The following PAH variants were observed in gnomAD, a reference collection of about 807,000 sequenced individuals.
PAH encodes phenylalanine-4-hydroxylase.
Under a neutral mutation model 62.0 loss-of-function variants are expected in PAH, and 64 were observed. That is an observed-to-expected ratio of 1.03 (90% CI 0.84 to 1.27). PAH has a LOEUF of 1.27. Among genes scored for constraint, PAH ranks in the 50% most tolerant of loss-of-function variants. PAH has a pLI of 0.00. For missense variants in PAH, 579 were observed against 542.8 expected (o/e 1.07, Z -0.66); for synonymous variants, 195 against 196.2 (o/e 0.99, Z 0.05).
intron 1 of PAH, among the ~76,000 whole-genome samples, chr12:102,928,544 A>G (rs958786954): frequency 2.6e-5 from 4 of 152,120 alleles, no homozygotes; most frequent in East Asian, 3.9e-4. Context: ...ACCCCTATCC[A>G]CTTAGAGACC....
intron 1 of PAH, among the ~76,000 whole-genome samples, chr12:102,916,098 A>G (rs1048841255): frequency 6.6e-6 from 1 of 152,118 alleles, no homozygotes; most frequent in African/African-American, 2.4e-5. Flanking sequence ...GTTCCTCTGT[A>G]CAATAAGTTC....
chr12:102,957,145 G>A lies in PAH; in HGVS notation c.-96+1050C>T, dbSNP rs1879940866. On this transcript the variant is annotated intron_variant, in intron 1 of 4. Transcript: ENST00000551337. This position sits in a 1 kb window ranked among gnomAD's most constrained non-coding sequence, Gnocchi z 4.1. ...AACCCGAAGAGAATAACAGTGAGGA[G>A]AGAGAGAAAACAGGAAAAGTCGAGC... is the stretch of plus-strand genomic sequence containing the variant. Among the ~76,000 whole-genome samples the A allele has an allele frequency of 6.6e-6, 1 of 152,146 alleles. No homozygotes were observed. The highest frequency in any genetic ancestry group is 6.5e-5 in the Admixed American group (1 of 15,280).
chr12:102,958,155 C>A (rs903347197), intron 1 of PAH: 2 of 989,884 alleles, frequency 2.0e-6, no homozygotes, highest in Non-Finnish European at 2.7e-6. Context: ...TCTGTTCCTG[C>A]ACCCAAGTTC....
chr12:102,864,124 C>T (rs200444715), intron 5 of PAH, among the ~76,000 whole-genome samples: 7 of 152,182 alleles, frequency 4.6e-5, no homozygotes, highest in East Asian at 3.9e-4. Flanking sequence ...AACACAACTC[C>T]GTTAGATGAT....
intron 2 of PAH, among the ~76,000 whole-genome samples, chr12:102,907,596 CTTCTT>C (rs898600632): frequency 4.6e-5 from 7 of 151,832 alleles, no homozygotes; most frequent in African/African-American, 1.7e-4. Flanking sequence ...CATCTTTTTC[CTTCTT>C]TTCTTTTCTT....
At chr12:102,911,827 T>C (rs1878211638) in intron 2 of PAH, among the ~76,000 whole-genome samples, 1 of 152,192 alleles carries the variant, frequency 6.6e-6, no homozygotes, top group African/African-American at 2.4e-5. Context: ...GCACTAAGTA[T>C]GTGCACAGCC....
At chr12:102,909,937 T>C (rs903174314) in intron 2 of PAH, among the ~76,000 whole-genome samples, 36 of 152,184 alleles carry the variant, frequency 2.4e-4, no homozygotes, top group African/African-American at 2.7e-4. Flanking sequence ...CCAGCCTGTG[T>C]GACAGAGTAA....
At chr12:102,851,253 G>A (rs1445783230) in intron 8 of PAH, among the ~76,000 whole-genome samples, 1 of 152,100 alleles carries the variant, frequency 6.6e-6, no homozygotes, top group Non-Finnish European at 1.5e-5. Flanking sequence ...CAGGGTATCA[G>A]CATTGGATTC....
chr12:102,841,978 G>A (rs1874614477), intron 11 of PAH, among the ~76,000 whole-genome samples: 1 of 152,222 alleles, frequency 6.6e-6, no homozygotes, highest in South Asian at 2.1e-4. Context: ...CCAAAGGGAT[G>A]TGCAGATTCC....
At chr12:102,955,819 C>T (rs552146219), upstream of PAH, among the ~76,000 whole-genome samples, 684 of 152,268 alleles carry the variant, frequency 4.5e-3, 2 homozygotes, top group African/African-American at 0.013. Flanking sequence ...TCAGCCAGTC[C>T]TGTGAGGCCA....
At chr12:102,954,702 C>T (rs1487121127), upstream of PAH, among the ~76,000 whole-genome samples, 1 of 152,164 alleles carries the variant, frequency 6.6e-6, no homozygotes, top group Non-Finnish European at 1.5e-5. Context: ...CTAGGTCACA[C>T]AGTCAGAGGC....
intron 1 of PAH, chr12:102,946,037 G>A (rs1879481228): frequency 1.3e-5 from 2 of 152,254 alleles, no homozygotes; most frequent in Admixed American, 1.3e-4. Context: ...CCCAGGATGT[G>A]TCTAGAAATG....
intron 9 of PAH, 128 bp from the exon 10 acceptor site, chr12:102,844,559 G>C (rs1565842876): frequency 1.4e-6 from 1 of 716,186 alleles, no homozygotes; most frequent in East Asian, 2.7e-5. Flanking sequence ...GTCTATGAGG[G>C]TGTTTCTGGA....
chr12:102,871,935 A>T (rs1592965365), intron 4 of PAH, among the ~76,000 whole-genome samples: 3 of 85,232 alleles, frequency 3.5e-5, no homozygotes, highest in African/African-American at 1.2e-4. Flanking sequence ...AAAAAAAAAA[A>T]AAAAAAAAAA....
chr12:102,922,195 C>CTTTTTT (rs550531972), upstream of PAH, among the ~76,000 whole-genome samples: 1 of 124,984 alleles, frequency 8.0e-6, no homozygotes, highest in African/African-American at 3.1e-5. Context: ...TAAATCTTGC[C>CTTTTTT]TTTTTTTTTT....
intron 2 of PAH, among the ~76,000 whole-genome samples, chr12:102,907,114 A>G (rs1878007365): frequency 6.6e-6 from 1 of 152,258 alleles, no homozygotes; most frequent in African/African-American, 2.4e-5. Context: ...TGAAAGTGAT[A>G]TGTCCAAATG....
chr12:102,849,422 G>A (rs901317480), intron 8 of PAH, among the ~76,000 whole-genome samples: 1 of 152,166 alleles, frequency 6.6e-6, no homozygotes, highest in East Asian at 1.9e-4. Context: ...GGGGATTGAA[G>A]TCTTGGCTGC....
intron 2 of PAH, among the ~76,000 whole-genome samples, chr12:102,899,340 A>G (rs1358983255): frequency 6.6e-6 from 1 of 152,202 alleles, no homozygotes; most frequent in Non-Finnish European, 1.5e-5. Flanking sequence ...TACAGTGCTC[A>G]TCACTCATAC....
rs1472596252 is a variant in PAH, at chr12:102,844,654, A to C, written c.970-223T>G. Among the ~76,000 whole-genome samples the C allele has an allele frequency of 2.6e-5, 4 of 152,344 alleles. No individual in the cohort carries two copies. In the East Asian group the frequency reaches 5.8e-4, roughly 22 times the overall value. On this transcript the variant is annotated intron_variant, in intron 9 of 12. Transcript: ENST00000553106. Reference sequence around the variant, plus strand: ...GAACCACCCAATGGGCTGGAATCCCAGATGGAAGAAAAAGGCAGAGGAAAG... The same window carrying C: ...GAACCACCCAATGGGCTGGAATCCCCGATGGAAGAAAAAGGCAGAGGAAAG...
Sources: gnomAD v4.1 joint callset for allele counts (sites outside exome capture counted in the v4.1 genomes callset) on GRCh38, gnomAD v4.1.1 for gene constraint, Gnocchi (gnomAD v3.1) non-coding constraint, MANE v1.5 for transcripts, NCBI Gene and HGNC (gene_info 2026-07-23, HGNC 2026-07-21) for gene names.